The following MCU variants were observed in gnomAD, a reference collection of about 807,000 sequenced individuals.
MCU encodes the protein calcium uniporter protein, mitochondrial.
MCU carries 12 observed loss-of-function variants against 45.2 expected under a neutral mutation model. The ratio of observed to expected loss-of-function variants is 0.27; its 90% CI spans 0.17 to 0.43. MCU has a LOEUF of 0.43. Among genes scored for constraint, MCU ranks in the 20% least tolerant of loss-of-function variants. The pLI, the probability that MCU is intolerant of heterozygous loss-of-function variation, is 1.00. For synonymous variants in MCU, 160 were observed against 165.1 expected, an observed-to-expected ratio of 0.97 and a Z score of 0.24; for missense variants, 324 against 436.7, an observed-to-expected ratio of 0.74 and a Z score of 2.30.
chr10:72,807,998 G>A (rs1844478057), intron 1 of MCU, among the ~76,000 whole-genome samples: 1 of 152,092 alleles, frequency 6.6e-6, no homozygotes, highest in African/African-American at 2.4e-5. Context: ...AAAATTTATA[G>A]CAGTCTATTG....
At chr10:72,845,408 C>T (rs750156997) in intron 2 of MCU, among the ~76,000 whole-genome samples, 4 of 152,072 alleles carry the variant, frequency 2.6e-5, no homozygotes, top group Non-Finnish European at 4.4e-5. Flanking sequence ...ATATAAATTA[C>T]GGTATACAGT....
Position 72,719,102 on chromosome 10 carries a change from T to C in MCU, c.150+26801T>C, listed in dbSNP as rs148592806. ...TGAAAAAATTATCAAGTTTATACTTTTTCATTTACATGTTATTCAGAAAGT... is the reference window on the plus strand; with the variant it reads ...TGAAAAAATTATCAAGTTTATACTTCTTCATTTACATGTTATTCAGAAAGT... On this transcript the variant is annotated intron_variant, in intron 1 of 7. Transcript: ENST00000373053. Among the ~76,000 whole-genome samples, 44 of 152,344 alleles carry C rather than the reference T, an allele frequency of 2.9e-4. No individual in the cohort carries two copies. The East Asian group carries it at 8.3e-3, about 29-fold the overall frequency.
chr10:72,738,138 A>C (rs1200118453), intron 1 of MCU, among the ~76,000 whole-genome samples: 1 of 152,236 alleles, frequency 6.6e-6, no homozygotes, highest in African/African-American at 2.4e-5. Flanking sequence ...AAAGCTTTCA[A>C]ATTCTGTAAA....
chr10:72,829,322 CAAAAAAA>C (rs34102458), intron 1 of MCU, among the ~76,000 whole-genome samples: 1 of 116,690 alleles, frequency 8.6e-6, no homozygotes, highest in Non-Finnish European at 1.8e-5. Context: ...GACACTGTCT[CAAAAAAA>C]AAAAAAAAAA....
intron 2 of MCU, among the ~76,000 whole-genome samples, chr10:72,835,137 C>T (rs938281271): frequency 1.3e-5 from 2 of 152,154 alleles, no homozygotes; most frequent in African/African-American, 4.8e-5. Context: ...TTATCTTTTT[C>T]CCTACTTAGG....
intron 1 of MCU, among the ~76,000 whole-genome samples, chr10:72,818,790 A>G (rs1844664660): frequency 6.6e-6 from 1 of 151,776 alleles, no homozygotes; most frequent in African/African-American, 2.4e-5. Flanking sequence ...GCAGTGAGCC[A>G]AGATTGCACC....
At chr10:72,759,878 G>A (rs1030630027) in intron 1 of MCU, among the ~76,000 whole-genome samples, 1 of 152,134 alleles carries the variant, frequency 6.6e-6, no homozygotes, top group African/African-American at 2.4e-5. Context: ...TGCAAGCCAA[G>A]AAGAGAGCCC....
At chr10:72,805,970 G>C (rs965720353) in intron 1 of MCU, among the ~76,000 whole-genome samples, 1 of 152,134 alleles carries the variant, frequency 6.6e-6, no homozygotes, top group African/African-American at 2.4e-5. Context: ...AGGCATTAAA[G>C]GGATGAAGGA....
chr10:72,698,986 TA>T (rs1339650352), intron 1 of MCU, among the ~76,000 whole-genome samples: 2 of 152,132 alleles, frequency 1.3e-5, no homozygotes, highest in African/African-American at 4.8e-5. Context: ...AAATTTTTTG[TA>T]GAGATGAAGT....
chr10:72,793,491 G>A (rs1265482245), intron 1 of MCU, among the ~76,000 whole-genome samples: 3 of 152,076 alleles, frequency 2.0e-5, no homozygotes, highest in African/African-American at 7.2e-5. Context: ...CTGGTTATCT[G>A]TTGCTTTGTA....
chr10:72,847,236 A>G (rs1845136443), intron 2 of MCU, among the ~76,000 whole-genome samples: 1 of 152,082 alleles, frequency 6.6e-6, no homozygotes, highest in African/African-American at 2.4e-5. Context: ...CGGCCTCCCA[A>G]AGTGCTGGGA....
At chr10:72,884,424 G>C (rs1845749393) in intron 7 of MCU, 42 bp downstream of exon 7, 1 of 1,108,820 alleles carries the variant, frequency 9.0e-7, no homozygotes, top group Admixed American at 1.7e-5. Context: ...GCCCTATCTT[G>C]CATGGTTATT....
intron 2 of MCU, among the ~76,000 whole-genome samples, chr10:72,835,445 A>G (rs1322668063): frequency 1.3e-5 from 2 of 152,208 alleles, no homozygotes; most frequent in Non-Finnish European, 2.9e-5. Context: ...ATTAATTCGT[A>G]AGCATAACAA....
chr10:72,850,359 C>T (rs1021182478), intron 2 of MCU, among the ~76,000 whole-genome samples: 2 of 152,044 alleles, frequency 1.3e-5, no homozygotes, highest in African/African-American at 4.8e-5. Flanking sequence ...TGAAATCATC[C>T]ATCATATATA....
At chr10:72,871,335 G>A in intron 5 of MCU, 42 bp from the exon 6 acceptor site, 22 of 1,580,724 alleles carry the variant, frequency 1.4e-5, no homozygotes, top group Non-Finnish European at 1.8e-5. Flanking sequence ...TTTTTAGATT[G>A]GTTTTATGTC....
intron 6 of MCU, among the ~76,000 whole-genome samples, chr10:72,881,352 G>A (rs1282722077): frequency 6.6e-6 from 1 of 152,070 alleles, no homozygotes; most frequent in Non-Finnish European, 1.5e-5. Context: ...AATAGAGAAT[G>A]ATTTCTTACA....
At chr10:72,802,720 C>T (rs1266392858) in intron 1 of MCU, among the ~76,000 whole-genome samples, 2 of 152,204 alleles carry the variant, frequency 1.3e-5, no homozygotes, top group Admixed American at 1.3e-4. Flanking sequence ...CTTAAAGCTT[C>T]ACTTTCTGGT....
chr10:72,859,324 A>C lies in MCU; in HGVS notation c.368A>C (p.Asp123Ala). The change falls in exon 3 of 8, where the codon GAC (aspartate) becomes GCC (alanine). Residue 123 changes from aspartate (D) to alanine (A), a missense_variant. Coordinates refer to ENST00000373053, the MANE Select transcript of MCU (RefSeq NM_138357.3). Reference protein sequence around the residue: ...RQLQEEDRGIDRVAIYSPDGV... With the variant: ...RQLQEEDRGIARVAIYSPDGV... ...CTGCAAGAAGAGGATCGGGGAATTGACAGAGTTGCTATCTATTCACCAGGT... is the reference window on the plus strand; with the variant it reads ...CTGCAAGAAGAGGATCGGGGAATTGCCAGAGTTGCTATCTATTCACCAGGT... 1.2e-6 allele frequency: 2 copies of C among 1,612,902 alleles called. No homozygotes were observed. Among genetic ancestry groups the C allele is most frequent in the Non-Finnish European group, 1.7e-6 (2 of 1,179,532 alleles).
chr10:72,860,799 C>T (rs769410541), intron 4 of MCU, among the ~76,000 whole-genome samples: 90 of 152,172 alleles, frequency 5.9e-4, no homozygotes, highest in Non-Finnish European at 9.6e-4. Context: ...GAATGTCCTA[C>T]ATAACTGAAG....
Sources: gnomAD v4.1 joint callset for allele counts (sites outside exome capture counted in the v4.1 genomes callset) on GRCh38, gnomAD v4.1.1 for gene constraint, MANE v1.5 for transcripts, NCBI Gene and HGNC (gene_info 2026-07-23, HGNC 2026-07-21) for gene names.